Variants in TENM3 observed in about 807,000 individuals in gnomAD.
TENM3 encodes the protein teneurin-3.
Under a neutral mutation model 255.1 loss-of-function variants are expected in TENM3, and 63 were observed. That is an observed-to-expected ratio of 0.25 (90% confidence interval 0.20 to 0.30). The LOEUF (loss-of-function observed/expected upper bound fraction) is 0.30. Among genes scored for constraint, TENM3 ranks in the 10% least tolerant of loss-of-function variants. TENM3 has a pLI of 1.00. For synonymous variants in TENM3, 1,306 were observed against 1,322.3 expected, an observed-to-expected ratio of 0.99 and a Z score of 0.27; for missense variants, 2,929 against 3,461.1, an observed-to-expected ratio of 0.85 and a Z score of 3.86.
intron 3 of TENM3, among the ~76,000 whole-genome samples, chr4:182,518,001 A>G (rs553149395): frequency 6.6e-6 from 1 of 151,924 alleles, no homozygotes; most frequent in Non-Finnish European, 1.5e-5. Context: ...CCACTACTTG[A>G]TGAAGACTCC....
the TENM3 span, among the ~76,000 whole-genome samples, chr4:181,871,773 G>T: frequency 6.6e-6 from 1 of 151,924 alleles, no homozygotes; most frequent in African/African-American, 2.4e-5. Context: ...ATAATCAAAG[G>T]GTGTTCAGTT....
chr4:182,154,156 A>G (rs1478317580), intron 1 of TENM3, among the ~76,000 whole-genome samples: 1 of 151,848 alleles, frequency 6.6e-6, no homozygotes, highest in Non-Finnish European at 1.5e-5. Context: ...TTTTTCCTTA[A>G]AAGAAAGATC....
chr4:181,546,226 C>G, the TENM3 span, among the ~76,000 whole-genome samples: 1 of 152,176 alleles, frequency 6.6e-6, no homozygotes, highest in African/African-American at 2.4e-5. Context: ...CTTCGTATAG[C>G]TTCATTTAGC....
At chr4:182,502,996 T>A (rs963653769) in intron 3 of TENM3, among the ~76,000 whole-genome samples, 18 of 151,122 alleles carry the variant, frequency 1.2e-4, no homozygotes, top group Non-Finnish European at 2.2e-4. Context: ...TATTTCTTCT[T>A]AAAATAATCT....
At chr4:181,544,362 G>C in the TENM3 span, among the ~76,000 whole-genome samples, 1 of 133,432 alleles carries the variant, frequency 7.5e-6, no homozygotes, top group East Asian at 2.4e-4. Context: ...TTAAAATACG[G>C]TCTTTTGCAT....
chr4:181,984,825 TGTG>T, the TENM3 span, among the ~76,000 whole-genome samples: 1 of 131,942 alleles, frequency 7.6e-6, no homozygotes, highest in Non-Finnish European at 1.7e-5. Flanking sequence ...TGTGTGTGTG[TGTG>T]TGTGTGCCTT....
Position 182,653,909 on chromosome 4 carries a change from A to G in TENM3, c.1111+16A>G, listed in dbSNP as rs763276392. The G allele has an allele frequency of 3.7e-6, 6 of 1,601,146 alleles. No individual in the cohort carries two copies. In the African/African-American group the frequency reaches 8.1e-5, roughly 22 times the overall value. On this transcript the variant is annotated intron_variant, in intron 6 of 27. Transcript: ENST00000511685. ...GGAGACAATGGTAAGCGAAAGAATT[A>G]TGTATCCTGTGTTTCTCTTTTAACA...
chr4:182,679,171 C>CACATGTACAGCAAACCAA (rs1265528134), intron 7 of TENM3, among the ~76,000 whole-genome samples: 1 of 151,778 alleles, frequency 6.6e-6, no homozygotes, highest in African/African-American at 2.4e-5. Flanking sequence ...AACAAACCAG[C>CACATGTACAGCAAACCAA]ACATTCTGCA....
the TENM3 span, among the ~76,000 whole-genome samples, chr4:181,741,430 G>A: frequency 6.6e-6 from 1 of 152,078 alleles, no homozygotes; most frequent in African/African-American, 2.4e-5. Flanking sequence ...CAGTATCACT[G>A]TGTGCTTCAT....
At chr4:182,163,069 T>G (rs1254774967) in intron 1 of TENM3, among the ~76,000 whole-genome samples, 1 of 152,142 alleles carries the variant, frequency 6.6e-6, no homozygotes, top group African/African-American at 2.4e-5. Context: ...TCAAGACGGC[T>G]CCATCCCTCA....
chr4:182,581,724 G>A (rs1188192799), intron 3 of TENM3, among the ~76,000 whole-genome samples: 3 of 152,088 alleles, frequency 2.0e-5, no homozygotes, highest in South Asian at 2.1e-4. Context: ...GCGACAGAGC[G>A]AGACTCCCTC....
At chr4:181,956,125 A>G in the TENM3 span, among the ~76,000 whole-genome samples, 1 of 152,080 alleles carries the variant, frequency 6.6e-6, no homozygotes, top group Admixed American at 6.5e-5. Context: ...CCGTGTTCTC[A>G]CATGGAAGAA....
chr4:181,574,615 A>G, the TENM3 span, among the ~76,000 whole-genome samples: 1 of 152,220 alleles, frequency 6.6e-6, no homozygotes, highest in Non-Finnish European at 1.5e-5. Flanking sequence ...AACAAAGGTC[A>G]TAGGAGACAA....
At chr4:182,327,232 A>C (rs905565023) in intron 2 of TENM3, among the ~76,000 whole-genome samples, 3 of 152,232 alleles carry the variant, frequency 2.0e-5, no homozygotes, top group African/African-American at 7.2e-5. Flanking sequence ...GACATCATAT[A>C]GGTCATAAAA....
At chr4:181,881,214 T>A in the TENM3 span, among the ~76,000 whole-genome samples, 1 of 152,128 alleles carries the variant, frequency 6.6e-6, no homozygotes, top group Non-Finnish European at 1.5e-5. Flanking sequence ...CAATTTAGGA[T>A]ACCCTTCGGG....
At chr4:181,495,482 A>G in the TENM3 span, among the ~76,000 whole-genome samples, 1 of 152,132 alleles carries the variant, frequency 6.6e-6, no homozygotes, top group Admixed American at 6.6e-5. Flanking sequence ...GGATGACTAT[A>G]TAGAGTAATT....
intron 5 of TENM3, among the ~76,000 whole-genome samples, chr4:182,645,008 T>TA (rs1489815891): frequency 6.6e-6 from 1 of 152,100 alleles, no homozygotes; most frequent in Admixed American, 6.5e-5. Context: ...TGTCAGATGT[T>TA]ACAACTTATT....
chr4:182,529,642 G>C (rs1177997489), intron 3 of TENM3, among the ~76,000 whole-genome samples: 2 of 152,126 alleles, frequency 1.3e-5, no homozygotes, highest in African/African-American at 4.8e-5. Flanking sequence ...GTAATAACCA[G>C]GGAGCACTCC....
intron 5 of TENM3, chr4:182,631,770 A>G (rs1354799673): frequency 6.6e-6 from 1 of 152,324 alleles, no homozygotes; most frequent in African/African-American, 2.4e-5. Flanking sequence ...GTTAATATAC[A>G]GTAAAAGCCT....
Sources: gnomAD v4.1 joint callset for allele counts (sites outside exome capture counted in the v4.1 genomes callset) on GRCh38, gnomAD v4.1.1 for gene constraint, MANE v1.5 for transcripts, NCBI Gene and HGNC (gene_info 2026-07-23, HGNC 2026-07-21) for gene names.